SORCS3: variants seen among roughly 807,000 people sequenced by gnomAD.
The protein encoded by SORCS3 is VPS10 domain-containing receptor SorCS3.
Under a neutral mutation model 146.3 loss-of-function variants are expected in SORCS3, and 57 were observed. That is an observed-to-expected ratio of 0.39 (90% CI 0.31 to 0.49). The LOEUF (loss-of-function observed/expected upper bound fraction) is 0.49. Among genes scored for constraint, SORCS3 ranks in the 20% least tolerant of loss-of-function variants. The probability of loss-of-function intolerance (pLI) is 0.92; values close to 1 mark genes in which losing one functional copy is unlikely to be tolerated. For synonymous variants in SORCS3, 653 were observed against 618.5 expected (o/e 1.06, Z -0.83); for missense variants, 1,341 against 1,575.5 (o/e 0.85, Z 2.52).
intron 1 of SORCS3, among the ~76,000 whole-genome samples, chr10:104,788,369 A>G (rs2017461319): frequency 6.6e-6 from 1 of 152,188 alleles, no homozygotes; most frequent in African/African-American, 2.4e-5. Context: ...CAAAAGATTT[A>G]TTTCCCCTGA....
chr10:104,916,530 T>C (rs751216511), intron 3 of SORCS3, among the ~76,000 whole-genome samples: 1 of 152,142 alleles, frequency 6.6e-6, no homozygotes, highest in Non-Finnish European at 1.5e-5. Context: ...GCAGCCAGGA[T>C]GAAATCATAT....
Position 105,157,291 on chromosome 10 carries a change from C to T in SORCS3, c.1629+7C>T, listed in dbSNP as rs2056219328. On this transcript the variant is annotated splice_region_variant and intron_variant, in intron 10 of 26. Coordinates refer to ENST00000369701, the MANE Select transcript of SORCS3 (RefSeq NM_014978.3). ...CCCAGTGCACTGCCTGCTGGTCAGT[C>T]ACTCAGCCTCATGGGAAGTTCACAG... is the stretch of plus-strand genomic sequence containing the variant. The T allele has an allele frequency of 3.1e-6, 5 of 1,613,548 alleles. No individual in the cohort carries two copies. The highest frequency in any genetic ancestry group is 4.2e-6 in the Non-Finnish European group (5 of 1,179,648).
intron 1 of SORCS3, among the ~76,000 whole-genome samples, chr10:104,830,812 ACTT>A (rs528608455): frequency 8.3e-4 from 126 of 151,952 alleles, no homozygotes; most frequent in Non-Finnish European, 8.8e-4. Context: ...TAATGCAATA[ACTT>A]CTTTTTTTTC....
At chr10:105,077,179 A>G (rs1336627817) in intron 5 of SORCS3, among the ~76,000 whole-genome samples, 1 of 152,188 alleles carries the variant, frequency 6.6e-6, no homozygotes, top group Non-Finnish European at 1.5e-5. Context: ...GTGACCCAAT[A>G]TAAACTTATG....
At chr10:105,041,262 T>C (rs574132477) in intron 4 of SORCS3, among the ~76,000 whole-genome samples, 59 of 148,964 alleles carry the variant, frequency 4.0e-4, no homozygotes, top group African/African-American at 1.4e-3. Flanking sequence ...TTGGGATCTG[T>C]CTCCATGTGT....
intron 4 of SORCS3, among the ~76,000 whole-genome samples, chr10:105,006,343 T>C (rs1251106679): frequency 6.6e-6 from 1 of 152,180 alleles, no homozygotes; most frequent in Non-Finnish European, 1.5e-5. Flanking sequence ...GACCTACTTT[T>C]AAAATACAAA....
chr10:105,240,432 A>G (rs1464413272), intron 20 of SORCS3, among the ~76,000 whole-genome samples: 1 of 152,172 alleles, frequency 6.6e-6, no homozygotes, highest in Non-Finnish European at 1.5e-5. Flanking sequence ...CGGAAAACTG[A>G]AAGAACTGTG....
chr10:104,671,614 A>G (rs2015855337), intron 1 of SORCS3, among the ~76,000 whole-genome samples: 1 of 151,762 alleles, frequency 6.6e-6, no homozygotes, highest in African/African-American at 2.4e-5. Context: ...CTGGGATCAC[A>G]GGTGTGAGCC....
At chr10:104,836,232 C>G (rs2018066478) in intron 1 of SORCS3, among the ~76,000 whole-genome samples, 1 of 152,186 alleles carries the variant, frequency 6.6e-6, no homozygotes, top group East Asian at 1.9e-4. Flanking sequence ...AAATATCACT[C>G]TCCCCAACCC....
chr10:104,923,075 CTT>C (rs1352566896), intron 3 of SORCS3, among the ~76,000 whole-genome samples: 2 of 152,176 alleles, frequency 1.3e-5, no homozygotes, highest in Non-Finnish European at 2.9e-5. Flanking sequence ...AACTCAGTGT[CTT>C]TATATAGGCC....
chr10:105,076,325 C>T (rs2133730272), intron 5 of SORCS3, among the ~76,000 whole-genome samples: 1 of 152,256 alleles, frequency 6.6e-6, no homozygotes, highest in East Asian at 1.9e-4. Context: ...AGAAATGATG[C>T]CCAGTGTGTA....
intron 1 of SORCS3, among the ~76,000 whole-genome samples, chr10:104,775,344 G>A (rs549884818): frequency 6.6e-6 from 1 of 152,322 alleles, no homozygotes; most frequent in Non-Finnish European, 1.5e-5. Flanking sequence ...TAAGTGCTCA[G>A]TAAGTGTTAT....
rs780705622 is a variant in SORCS3 at position 105,089,815 on chromosome 10, A to C, written c.1069A>C (p.Met357Leu). The C allele has an allele frequency of 6.2e-7, 1 of 1,613,918 alleles. No homozygotes were observed. The highest frequency in any genetic ancestry group is 1.3e-5 in the African/African-American group (1 of 74,918). The part of the protein sequence containing the change: ...GLDKEADLVH[M>L]EVRTTDGYAH... ...GGATAAGGAGGCGGACCTGGTGCAC[A>C]TGGAGGTGCGGACCACGGATGGATG... Residue 357 changes from methionine to leucine, a missense_variant, in exon 6 of 27, where the codon ATG (methionine) becomes CTG (leucine). Coordinates refer to ENST00000369701, the MANE Select transcript of SORCS3 (RefSeq NM_014978.3).
At chr10:105,128,265 C>A (rs1203934691) in intron 7 of SORCS3, among the ~76,000 whole-genome samples, 2 of 152,116 alleles carry the variant, frequency 1.3e-5, no homozygotes, top group Admixed American at 1.3e-4. Flanking sequence ...TGGCATTTCA[C>A]AAATATTCAT....
intron 1 of SORCS3, among the ~76,000 whole-genome samples, chr10:104,680,625 T>C (rs1184983609): frequency 6.6e-6 from 1 of 152,216 alleles, no homozygotes; most frequent in African/African-American, 2.4e-5. Flanking sequence ...TAGAACCTAC[T>C]GTATAGGATT....
intron 1 of SORCS3, among the ~76,000 whole-genome samples, chr10:104,810,578 A>G (rs1014789863): frequency 2.0e-5 from 3 of 152,238 alleles, no homozygotes; most frequent in African/African-American, 7.2e-5. Context: ...ATAATGTGCT[A>G]TTATAAATAA....
chr10:104,792,379 C>T (rs1049778981), intron 1 of SORCS3, among the ~76,000 whole-genome samples: 3 of 152,156 alleles, frequency 2.0e-5, no homozygotes, highest in African/African-American at 7.2e-5. Context: ...AGCTTTGAGG[C>T]CATTTACAGT....
chr10:104,660,130 T>C (rs2015682217), intron 1 of SORCS3, among the ~76,000 whole-genome samples: 1 of 152,184 alleles, frequency 6.6e-6, no homozygotes, highest in African/African-American at 2.4e-5. Flanking sequence ...GGTGGAGATG[T>C]GCATCTTGAA....
intron 14 of SORCS3, among the ~76,000 whole-genome samples, chr10:105,199,569 G>A (rs1179902232): frequency 1.3e-5 from 2 of 152,132 alleles, no homozygotes; most frequent in Non-Finnish European, 2.9e-5. Context: ...CTTTACAGAT[G>A]AGGAAACTGA....
Sources: allele counts gnomAD v4.1 joint callset (sites outside exome capture counted in the v4.1 genomes callset), GRCh38; gene constraint gnomAD v4.1.1; transcripts MANE v1.5; gene names NCBI Gene and HGNC (gene_info 2026-07-23, HGNC 2026-07-21).